CELF6: variants seen among roughly 807,000 people sequenced by gnomAD.
CELF6 encodes CUGBP Elav-like family member 6.
A neutral mutation model predicts 53.1 loss-of-function variants in CELF6; 32 were observed. That is an observed-to-expected ratio of 0.60 (90% CI 0.46 to 0.81). CELF6 has a LOEUF of 0.81. Ranked by LOEUF, CELF6 falls within the 30% of genes least tolerant of loss-of-function variation. The pLI is 0.00. For synonymous variants in CELF6, 291 were observed against 288.8 expected (o/e 1.01, Z -0.08); for missense variants, 539 against 669.5 (o/e 0.81, Z 2.15).
chr15:72,319,567 C>T lies in CELF6; in HGVS notation c.262+46G>A. 1 of 1,495,536 alleles carries T rather than the reference C, an allele frequency of 6.7e-7. No homozygotes were observed. The highest frequency in any genetic ancestry group is 1.4e-5 in the African/African-American group (1 of 71,772). 92.6% of individuals were successfully genotyped at this position (1,495,536 alleles called of 1,614,324 possible). A position where few individuals can be genotyped will look rare whatever the true frequency, so the allele number is the denominator to read the frequency against. On this transcript the variant is annotated intron_variant, in intron 1 of 12. Coordinates refer to ENST00000287202, the MANE Select transcript of CELF6 (RefSeq NM_052840.5). The surrounding 1 kb of genome is among the most constrained non-coding windows in gnomAD (Gnocchi z 5.0). ...GGGGCTGGGCTGGGGTCGGGCCACACTCTAATCGGATTGGGGCTGGGCTGG... is the reference window on the plus strand; with the variant it reads ...GGGGCTGGGCTGGGGTCGGGCCACATTCTAATCGGATTGGGGCTGGGCTGG...
rs563306969 is a variant in CELF6, at chr15:72,288,754, A to G, written c.1093+114T>C. 2,253 of 1,342,330 alleles carry G rather than the reference A, an allele frequency of 1.7e-3. 6 individuals carry two copies. The highest frequency in any genetic ancestry group is 2.2e-3 in the Non-Finnish European group (2,080 of 954,902). 83.2% of individuals were successfully genotyped at this position (1,342,330 alleles called of 1,614,324 possible). A position where few individuals can be genotyped will look rare whatever the true frequency, so the allele number is the denominator to read the frequency against. On this transcript the variant is annotated intron_variant, in intron 9 of 12. Transcript: ENST00000287202. This position sits in a 1 kb window ranked among gnomAD's most constrained non-coding sequence, Gnocchi z 4.6. Reference sequence around the variant, plus strand: ...CCCCAAGAGAGGTCGTTCTGGGGGTAGGAGGGGATGGGAGGATCAACTCCT... The same window carrying G: ...CCCCAAGAGAGGTCGTTCTGGGGGTGGGAGGGGATGGGAGGATCAACTCCT...
In CELF6 at chr15:72,315,741, C is replaced by G; in HGVS notation, c.345+104G>C. On this transcript the variant is annotated intron_variant, in intron 2 of 12. Coordinates refer to ENST00000287202, the MANE Select transcript of CELF6 (RefSeq NM_052840.5). ...CTCTCCTAGAAAGATGACTCTGCTT[C>G]TAGTTCTCGGTCCCAACCCAGCCCC... The G allele has an allele frequency of 6.0e-6, 4 of 666,820 alleles. No homozygotes were observed. The East Asian group carries it at 1.2e-4, about 21-fold the overall frequency. The allele number at this position is 666,820 out of a possible 1,614,324, so 41.3% of individuals were successfully genotyped here.
intron 3 of CELF6, among the ~76,000 whole-genome samples, chr15:72,294,752 T>C (rs1469767336): frequency 6.6e-6 from 1 of 151,754 alleles, no homozygotes; most frequent in Non-Finnish European, 1.5e-5. Flanking sequence ...CCAACGTGGG[T>C]GGATCACATG....
chr15:72,306,085 C>G, intron 2 of CELF6: 1 of 985,142 alleles, frequency 1.0e-6, no homozygotes, highest in Non-Finnish European at 1.2e-6. Flanking sequence ...ATATCGCCCC[C>G]ACATCCCCAT....
intron 4 of CELF6, 44 bp from the exon 5 acceptor site, chr15:72,290,062 C>G: frequency 6.2e-7 from 1 of 1,613,564 alleles, no homozygotes; most frequent in South Asian, 1.1e-5. Context: ...CCACAGGGGC[C>G]AAAGAGTTAT....
At chr15:72,314,361 T>C (rs1435015677) in intron 2 of CELF6, among the ~76,000 whole-genome samples, 2 of 152,150 alleles carry the variant, frequency 1.3e-5, no homozygotes, top group African/African-American at 4.8e-5. Context: ...TGAAGGTAGT[T>C]ACCCCAACCC....
chr15:72,289,629 C>T lies in CELF6; in HGVS notation c.745G>A (p.Ala249Thr). The change falls in exon 6 of 13, where the codon GCG becomes ACG. Residue 249 changes from alanine to threonine, a missense_variant and splice_region_variant. Around this residue, in one of 3 missense-constraint regions of CELF6, gnomAD observed 358 missense variants for 412.8 expected, o/e 0.87. Coordinates refer to ENST00000287202, the MANE Select transcript of CELF6 (RefSeq NM_052840.5). The surrounding 1 kb of genome is among the most constrained non-coding windows in gnomAD (Gnocchi z 7.6). ...PLGACGAYTT[A>T]ILQHQAALLA... ...GCACGCAGGTGCCCGGTACCTACCG[C>T]CGTGGTGTAGGCGCCGCAGGCCCCT... 6.7e-7 allele frequency: 1 copy of T among 1,503,234 alleles called. No individual in the cohort carries two copies. The highest frequency in any genetic ancestry group is 8.8e-7 in the Non-Finnish European group (1 of 1,134,530). 93.1% of individuals were successfully genotyped at this position (1,503,234 alleles called of 1,614,324 possible). A position where few individuals can be genotyped will look rare whatever the true frequency, so the allele number is the denominator to read the frequency against.
chr15:72,299,752 G>C (rs944100923), intron 3 of CELF6, among the ~76,000 whole-genome samples: 1 of 152,196 alleles, frequency 6.6e-6, no homozygotes, highest in Non-Finnish European at 1.5e-5. Flanking sequence ...CTTTAATAGT[G>C]TACTGCTCAA....
chr15:72,308,643 T>G (rs2088260134), intron 2 of CELF6, among the ~76,000 whole-genome samples: 1 of 152,212 alleles, frequency 6.6e-6, no homozygotes, highest in African/African-American at 2.4e-5. Context: ...TTTGTTGTAT[T>G]TCAAAGGCAA....
In CELF6 at chr15:72,288,548, CTGCTGG is replaced by C; in HGVS notation, c.1158_1163del (p.Gln388_Gln389del). The C allele has an allele frequency of 6.2e-7, 1 of 1,603,680 alleles. No homozygotes were observed. The highest frequency in any genetic ancestry group is 8.5e-7 in the Non-Finnish European group (1 of 1,174,018). The stretch of plus-strand genomic sequence containing the variant: ...CCCCCAGTCCCTCACCTTCTCTCTG[CTGCTGG>C]GGCAGGGCTGAAGGCTGCTGGGGAA... On this transcript the variant is annotated inframe_deletion, in exon 10 of 13. Transcript: ENST00000287202. This position sits in a 1 kb window ranked among gnomAD's most constrained non-coding sequence, Gnocchi z 4.6.
chr15:72,308,686 GT>G (rs577948739), intron 2 of CELF6, among the ~76,000 whole-genome samples: 76 of 151,444 alleles, frequency 5.0e-4, no homozygotes, highest in African/African-American at 1.7e-3. Flanking sequence ...ATTTTTAAAT[GT>G]TTTTTTTTAA....
chr15:72,287,717 G>A (rs935591652), intron 11 of CELF6, among the ~76,000 whole-genome samples: 3 of 152,164 alleles, frequency 2.0e-5, no homozygotes, highest in African/African-American at 7.2e-5. Context: ...GAGTTGGAGG[G>A]GATCTTTGGT....
Position 72,289,341 on chromosome 15 carries a change from C to G in CELF6, c.880+34G>C. On this transcript the variant is annotated intron_variant, in intron 7 of 12. Coordinates refer to ENST00000287202, the MANE Select transcript of CELF6 (RefSeq NM_052840.5). This position sits in a 1 kb window ranked among gnomAD's most constrained non-coding sequence, Gnocchi z 7.6. The stretch of plus-strand genomic sequence containing the variant: ...GCCGCCACCCCGCCCCGCCCGGCCC[C>G]TCCCAGGCGCGCCCCAGTCCCTGGG... 6.5e-7 allele frequency: 1 copy of G among 1,540,238 alleles called. No homozygotes were observed. Among genetic ancestry groups the G allele is most frequent in the Non-Finnish European group, 8.7e-7 (1 of 1,150,388 alleles).
intron 2 of CELF6, 42 bp from the exon 3 acceptor site, chr15:72,304,836 C>T: frequency 6.2e-7 from 1 of 1,604,166 alleles, no homozygotes; most frequent in Non-Finnish European, 8.5e-7. Context: ...GCGTGACTGC[C>T]TGGTCCTGGA....
intron 11 of CELF6, among the ~76,000 whole-genome samples, chr15:72,287,659 G>C (rs1171539160): frequency 3.3e-5 from 5 of 152,272 alleles, no homozygotes; most frequent in African/African-American, 1.2e-4. Flanking sequence ...GGCATGGGTT[G>C]GCTTTCTCCC....
rs1397264782 is a variant in CELF6 at position 72,289,577 on chromosome 15, G to A, written c.747+50C>T. On this transcript the variant is annotated intron_variant, in intron 6 of 12. Transcript: ENST00000287202. The surrounding 1 kb of genome is among the most constrained non-coding windows in gnomAD (Gnocchi z 7.6). ...CAGCTGCCCGTGCTCTCAGCCCCAG[G>A]CCTGGCCCACCCACCTGCGCGCCCT... 1.1e-5 allele frequency: 16 copies of A among 1,477,198 alleles called. No homozygotes were observed. The highest frequency in any genetic ancestry group is 5.3e-5 in the South Asian group (4 of 76,122). 91.5% of individuals were successfully genotyped at this position (1,477,198 alleles called of 1,614,324 possible).
intron 2 of CELF6, among the ~76,000 whole-genome samples, chr15:72,313,293 G>T (rs1018220057): frequency 1.3e-5 from 2 of 152,162 alleles, no homozygotes; most frequent in African/African-American, 4.8e-5. Context: ...AAATGGGAAT[G>T]CCAATAACAA....
chr15:72,289,039 G>C lies in CELF6; in HGVS notation c.1030+99C>G. The C allele has an allele frequency of 8.0e-7, 1 of 1,256,932 alleles. No individual in the cohort carries two copies. Among genetic ancestry groups the C allele is most frequent in the African/African-American group, 1.5e-5 (1 of 66,916 alleles). 77.9% of individuals were successfully genotyped at this position (1,256,932 alleles called of 1,614,324 possible). On this transcript the variant is annotated intron_variant, in intron 8 of 12. Transcript: ENST00000287202. The surrounding 1 kb of genome is among the most constrained non-coding windows in gnomAD (Gnocchi z 7.6). Reference sequence around the variant, plus strand: ...GACGGCGGCTGTGAGAGACAGCAGGGAAGGAGGGGGATCTCTTCCCAGGGA... The same window carrying C: ...GACGGCGGCTGTGAGAGACAGCAGGCAAGGAGGGGGATCTCTTCCCAGGGA...
chr15:72,315,661 A>T (rs1218746377), intron 2 of CELF6, among the ~76,000 whole-genome samples, 184 bp downstream of exon 2: 1 of 152,210 alleles, frequency 6.6e-6, no homozygotes, highest in Non-Finnish European at 1.5e-5. Context: ...CCCTTTTTTG[A>T]GCCAGAAGAT....
Sources: allele counts gnomAD v4.1 joint callset (sites outside exome capture counted in the v4.1 genomes callset), GRCh38; gene constraint gnomAD v4.1.1; regional missense constraint gnomAD v4.1.1; non-coding constraint Gnocchi (gnomAD v3.1); transcripts MANE v1.5; gene names NCBI Gene and HGNC (gene_info 2026-07-23, HGNC 2026-07-21).